The following PHLPP1 variants were observed in gnomAD, a reference collection of about 807,000 sequenced individuals.
PHLPP1 encodes PH domain and leucine rich repeat protein phosphatase 1.
A neutral mutation model predicts 117.2 loss-of-function variants in PHLPP1; 42 were observed. The ratio of observed to expected loss-of-function variants is 0.36; its 90% CI spans 0.28 to 0.46. The LOEUF (loss-of-function observed/expected upper bound fraction) is 0.46, where lower values mean the gene tolerates loss of function less well. PHLPP1 is among the 20% of genes least tolerant of loss of function. The pLI, the probability that PHLPP1 is intolerant of heterozygous loss-of-function variation, is 1.00. For synonymous variants in PHLPP1, 1,042 were observed against 970.7 expected (o/e 1.07, Z -1.37); for missense variants, 2,084 against 2,241.9 (o/e 0.93, Z 1.42).
At chr18:62,766,076 A>AAAAATATAT in intron 1 of PHLPP1, among the ~76,000 whole-genome samples, 20 of 21,664 alleles carry the variant, frequency 9.2e-4, no homozygotes, top group African/African-American at 1.8e-3. Flanking sequence ...AAAAAAAAAA[A>AAAAATATAT]ATATATATAT....
At chr18:62,758,898 T>G (rs1912118867) in intron 1 of PHLPP1, among the ~76,000 whole-genome samples, 5 of 152,232 alleles carry the variant, frequency 3.3e-5, no homozygotes, top group Admixed American at 3.3e-4. Flanking sequence ...GAGGCTCTTG[T>G]TGAATCCAAG....
intron 9 of PHLPP1, among the ~76,000 whole-genome samples, chr18:62,917,613 C>A (rs985047996): frequency 6.6e-6 from 1 of 151,838 alleles, no homozygotes; most frequent in East Asian, 1.9e-4. Flanking sequence ...CCCAGGAGTT[C>A]AAGACCAGCC....
chr18:62,936,986 A>C (rs1342621318), intron 10 of PHLPP1, among the ~76,000 whole-genome samples: 2 of 152,230 alleles, frequency 1.3e-5, no homozygotes, highest in African/African-American at 4.8e-5. Context: ...GGGGTTAGAC[A>C]GTTGTGACTA....
intron 3 of PHLPP1, among the ~76,000 whole-genome samples, chr18:62,860,234 T>G (rs1485004948): frequency 6.6e-6 from 1 of 152,216 alleles, no homozygotes; most frequent in East Asian, 1.9e-4. Context: ...TATAATCTTG[T>G]GGGACTGCTG....
chr18:62,869,189 C>T (rs1056746916), intron 4 of PHLPP1, among the ~76,000 whole-genome samples: 1 of 152,070 alleles, frequency 6.6e-6, no homozygotes, highest in Non-Finnish European at 1.5e-5. Context: ...AAATGAAGGG[C>T]CGAAGAAAGC....
chr18:62,717,013 G>A lies in PHLPP1; in HGVS notation c.1330G>A (p.Ala444Thr). ...SCEEKAAAAV[A>T]PGGLQSTPGR... The stretch of plus-strand genomic sequence containing the variant: ...CGAGGAGAAGGCAGCGGCAGCCGTG[G>A]CCCCGGGAGGCCTCCAGTCTACCCC... The change falls in exon 1 of 17, where the codon GCC (alanine) becomes ACC (threonine). Residue 444 changes from alanine (A) to threonine (T), a missense_variant. Ala to Thr is a moderately conservative substitution (Grantham distance 58). Around this residue, in one of 2 missense-constraint regions of PHLPP1, gnomAD observed 719 missense variants for 636.0 expected, o/e 1.13. Coordinates refer to ENST00000262719, the MANE Select transcript of PHLPP1 (RefSeq NM_194449.4). The A allele has an allele frequency of 6.5e-7, 1 of 1,544,254 alleles. No homozygotes were observed. Among genetic ancestry groups the A allele is most frequent in the Non-Finnish European group, 8.7e-7 (1 of 1,145,908 alleles).
rs1909219191 is a variant in PHLPP1, at chr18:62,914,831, A to G, written c.2709-82A>G. On this transcript the variant is annotated intron_variant, in intron 8 of 16. Transcript: ENST00000262719. ...ACTTTGGTATTTTATTTGAGGTTTTATTTATTCTTTGTAATCAATTTGAGT... is the reference window on the plus strand; with the variant it reads ...ACTTTGGTATTTTATTTGAGGTTTTGTTTATTCTTTGTAATCAATTTGAGT... 11 of 921,456 alleles carry G rather than the reference A, an allele frequency of 1.2e-5. No individual in the cohort carries two copies. The South Asian group carries it at 1.7e-4, about 14-fold the overall frequency. The allele number at this position is 921,456 out of a possible 1,614,324, so 57.1% of individuals were successfully genotyped here. A position where few individuals can be genotyped will look rare whatever the true frequency, so the allele number is the denominator to read the frequency against.
Position 62,838,832 on chromosome 18 carries a change from G to A in PHLPP1, c.1822G>A (p.Gly608Arg). The change falls in exon 3 of 17, where the codon GGA becomes AGA. Residue 608 changes from glycine to arginine, a missense_variant. By Grantham distance (125) the Gly-to-Arg change is moderately radical. Around this residue, in one of 2 missense-constraint regions of PHLPP1, gnomAD observed 1,365 missense variants for 1,605.9 expected, o/e 0.85. Transcript: ENST00000262719. Reference protein sequence around the residue: ...HQHCLAFSSSGPQSQTYYICF... With the variant: ...HQHCLAFSSSRPQSQTYYICF... ...ACACTGTTTAGCATTTAGCTCCTCTGGACCCCAAAGCCAGACTTACTACAT... is the reference window on the plus strand; with the variant it reads ...ACACTGTTTAGCATTTAGCTCCTCTAGACCCCAAAGCCAGACTTACTACAT... 6.2e-7 allele frequency: 1 copy of A among 1,613,656 alleles called. No individual in the cohort carries two copies. Among genetic ancestry groups the A allele is most frequent in the East Asian group, 2.2e-5 (1 of 44,868 alleles).
intron 4 of PHLPP1, among the ~76,000 whole-genome samples, chr18:62,874,647 A>G (rs1247619423): frequency 8.8e-6 from 1 of 113,296 alleles, no homozygotes; most frequent in South Asian, 2.9e-4. Flanking sequence ...CAGGGCGCGC[A>G]CGCACGCGCG....
At chr18:62,975,160 G>T (rs1911152576) in intron 15 of PHLPP1, among the ~76,000 whole-genome samples, 1 of 152,164 alleles carries the variant, frequency 6.6e-6, no homozygotes, top group Non-Finnish European at 1.5e-5. Context: ...GCTTTTAATG[G>T]TACAGTGATA....
chr18:62,846,049 CA>C (rs913268663), intron 3 of PHLPP1, among the ~76,000 whole-genome samples: 11 of 146,992 alleles, frequency 7.5e-5, no homozygotes, highest in Admixed American at 2.0e-4. Context: ...ACTAAAAATA[CA>C]AAAAAAAAAT....
chr18:62,938,928 G>A (rs1041018905), intron 10 of PHLPP1, among the ~76,000 whole-genome samples: 2 of 151,192 alleles, frequency 1.3e-5, no homozygotes, highest in African/African-American at 4.9e-5. Context: ...GCATGTGTTT[G>A]TGTGTGTATA....
intron 4 of PHLPP1, among the ~76,000 whole-genome samples, chr18:62,878,788 G>T (rs1213029238): frequency 6.6e-6 from 1 of 152,136 alleles, no homozygotes; most frequent in Non-Finnish European, 1.5e-5. Flanking sequence ...TTGTGTGTGT[G>T]TGTGTGTGTG....
rs756408044 is a variant in PHLPP1 at position 62,717,123 on chromosome 18, C to G, written c.1440C>G (p.Thr480=). ...ACGTGCAGCTCCACGGAGAGACCAC[C>G]CGGCGCTTGGAGGCGGAGGAGAAGC... ...TLYVQLHGET[T]RRLEAEEKPL... Residue 480 remains threonine (T), a synonymous_variant, in exon 1 of 17, where the codon ACC becomes ACG. Coordinates refer to ENST00000262719, the MANE Select transcript of PHLPP1 (RefSeq NM_194449.4). 14 of 1,591,918 alleles carry G rather than the reference C, an allele frequency of 8.8e-6. No homozygotes were observed. The South Asian group carries it at 1.6e-4, about 18-fold the overall frequency.
chr18:62,717,284 G>C (rs1489250108), intron 1 of PHLPP1, 25 bp downstream of exon 1: 1 of 1,538,648 alleles, frequency 6.5e-7, no homozygotes, highest in Non-Finnish European at 8.8e-7. Flanking sequence ...TGCCTTGACG[G>C]GTGGTTGCAA....
chr18:62,752,533 T>G (rs1048828795), intron 1 of PHLPP1, among the ~76,000 whole-genome samples: 2 of 152,202 alleles, frequency 1.3e-5, no homozygotes, highest in Non-Finnish European at 2.9e-5. Context: ...CTAGAATGAT[T>G]TTGTTTTGTT....
At position 62,717,149 on chromosome 18, in the gene PHLPP1, C is replaced by T; in HGVS notation, c.1466C>T (p.Pro489Leu). The change falls in exon 1 of 17, where the codon CCA becomes CTA. Residue 489 changes from proline to leucine, a missense_variant. Pro to Leu is a moderately conservative substitution (Grantham distance 98). This residue lies in a region of PHLPP1 where 1,365 missense variants were observed against 1,605.9 expected (regional missense o/e 0.85). Coordinates refer to ENST00000262719, the MANE Select transcript of PHLPP1 (RefSeq NM_194449.4). ...TTRRLEAEEK[P>L]LQIQNDYLFQ... ...CGGCGCTTGGAGGCGGAGGAGAAGC[C>T]ATTGCAGATCCAAAATGACTACCTC... is the stretch of plus-strand genomic sequence containing the variant. The T allele has an allele frequency of 6.2e-7, 1 of 1,611,862 alleles. No individual in the cohort carries two copies. The highest frequency in any genetic ancestry group is 8.5e-7 in the Non-Finnish European group (1 of 1,179,294).
chr18:62,798,330 C>T (rs1913681676), intron 1 of PHLPP1, among the ~76,000 whole-genome samples: 1 of 152,160 alleles, frequency 6.6e-6, no homozygotes, highest in Admixed American at 6.5e-5. Context: ...TCCAGGTGTG[C>T]ATGATTCCAC....
Position 62,761,647 on chromosome 18 carries a change from A to T in PHLPP1, c.1576+44388A>T, listed in dbSNP as rs188679687. On this transcript the variant is annotated intron_variant, in intron 1 of 16. Transcript: ENST00000262719. ...GACTCCGTCTCAAAAAAAAATAAATAAAAATAAAAAAATAAAAAATAAAAA... is the reference window on the plus strand; with the variant it reads ...GACTCCGTCTCAAAAAAAAATAAATTAAAATAAAAAAATAAAAAATAAAAA... 7.6e-3 allele frequency among the ~76,000 whole-genome samples: 1,156 copies of T among 151,552 alleles called. 18 individuals carry two copies. Among genetic ancestry groups the T allele is most frequent in the African/African-American group, 0.027 (1,106 of 41,492 alleles).
Sources: allele counts gnomAD v4.1 joint callset (sites outside exome capture counted in the v4.1 genomes callset), GRCh38; gene constraint gnomAD v4.1.1; regional missense constraint gnomAD v4.1.1; transcripts MANE v1.5; gene names NCBI Gene and HGNC (gene_info 2026-07-23, HGNC 2026-07-21).